The following MARCHF7 variants were observed in gnomAD, a reference collection of about 807,000 sequenced individuals.
MARCHF7 encodes the protein membrane associated ring-CH-type finger 7.
A neutral mutation model predicts 76.5 loss-of-function variants in MARCHF7; 20 were observed. The observed-to-expected ratio is 0.26, with a 90% CI of 0.18 to 0.38. The LOEUF is 0.38. MARCHF7 is among the 10% of genes least tolerant of loss of function. The pLI is 1.00. For synonymous variants in MARCHF7, 295 were observed against 293.0 expected, an observed-to-expected ratio of 1.01 and a Z score of -0.07; for missense variants, 797 against 812.9, an observed-to-expected ratio of 0.98 and a Z score of 0.24.
At chr2:159,764,402 T>A (rs544108819) in intron 10 of MARCHF7, among the ~76,000 whole-genome samples, 1 of 152,044 alleles carries the variant, frequency 6.6e-6, no homozygotes, top group South Asian at 2.1e-4. Context: ...CTGCTCCCAA[T>A]TTTAAAAAAC....
In MARCHF7 at chr2:159,767,146, A is replaced by C; in HGVS notation, c.2057-138A>C. ...CAGACCACCCTAACCCTGTCATACA[A>C]CTTATCATTTTGATCAAACAATATA... On this transcript the variant is annotated intron_variant, in intron 11 of 11. Coordinates refer to ENST00000409175, the MANE Select transcript of MARCHF7 (RefSeq NM_001282805.2). 3 of 646,318 alleles carry C rather than the reference A, an allele frequency of 4.6e-6. No individual in the cohort carries two copies. In the South Asian group the frequency reaches 5.7e-5, roughly 12 times the overall value. 40.0% of individuals were successfully genotyped at this position (646,318 alleles called of 1,614,324 possible).
rs1220000580 is a variant in MARCHF7, at chr2:159,762,967, A to C, written c.1981A>C (p.Thr661Pro). ...AAGCTTTTCTGATATGATGGGAAAT[A>C]CAAATGAACCAAGCACACGTGTCCG... ...EQSFSDMMGN[T>P]NEPSTRVRFI... Residue 661 changes from threonine (T) to proline (P), a missense_variant, in exon 10 of 12, where the codon ACA becomes CCA. By Grantham distance (38) the Thr-to-Pro change is conservative. This residue lies in a region of MARCHF7 where 124 missense variants were observed against 121.3 expected (regional missense o/e 1.02). Coordinates refer to ENST00000409175, the MANE Select transcript of MARCHF7 (RefSeq NM_001282805.2). The C allele has an allele frequency of 6.2e-7, 1 of 1,612,646 alleles. No homozygotes were observed. Among genetic ancestry groups the C allele is most frequent in the South Asian group, 1.1e-5 (1 of 90,878 alleles).
At chr2:159,757,979 A>G (rs1706546287) in intron 8 of MARCHF7, among the ~76,000 whole-genome samples, 1 of 152,158 alleles carries the variant, frequency 6.6e-6, no homozygotes, top group African/African-American at 2.4e-5. Context: ...CCTTATGCCA[A>G]ATTTTACTCT....
In MARCHF7 at chr2:159,747,988, C is replaced by G; in HGVS notation, c.698C>G (p.Ser233Cys). The G allele has an allele frequency of 6.2e-7, 1 of 1,614,088 alleles. No homozygotes were observed. Among genetic ancestry groups the G allele is most frequent in the African/African-American group, 1.3e-5 (1 of 75,032 alleles). The change falls in exon 7 of 12, where the codon TCT (serine) becomes TGT (cysteine). Residue 233 changes from serine to cysteine, a missense_variant. Around this residue, in one of 3 missense-constraint regions of MARCHF7, gnomAD observed 643 missense variants for 631.5 expected, o/e 1.02. Coordinates refer to ENST00000409175, the MANE Select transcript of MARCHF7 (RefSeq NM_001282805.2). ...AATTTTTCTTCAAGAGAATCAGAAT[C>G]TTCCCGAAGCAATACGCAGCCTGGA... ...RSNFSSRESE[S>C]SRSNTQPGFS...
chr2:159,747,792 C>A lies in MARCHF7; in HGVS notation c.515-13C>A. 6.5e-7 allele frequency: 1 copy of A among 1,543,698 alleles called. No individual in the cohort carries two copies. Among genetic ancestry groups the A allele is most frequent in the Admixed American group, 2.2e-5 (1 of 44,764 alleles). Reference sequence around the variant, plus strand: ...TTATTTCATGTAATTGGTTATCTTCCTTTCAAAAATAGATGTTCAAGACAG... The same window carrying A: ...TTATTTCATGTAATTGGTTATCTTCATTTCAAAAATAGATGTTCAAGACAG... On this transcript the variant is annotated splice_polypyrimidine_tract_variant and intron_variant, in intron 6 of 11. Transcript: ENST00000409175.
intron 8 of MARCHF7, among the ~76,000 whole-genome samples, chr2:159,757,226 G>A (rs1422267743): frequency 6.6e-6 from 1 of 152,114 alleles, no homozygotes; most frequent in Non-Finnish European, 1.5e-5. Flanking sequence ...GTTATAATAA[G>A]TGCTTTTCAA....
intron 4 of MARCHF7, among the ~76,000 whole-genome samples, chr2:159,742,404 A>G (rs1437453016): frequency 6.6e-6 from 1 of 152,126 alleles, no homozygotes; most frequent in Non-Finnish European, 1.5e-5. Flanking sequence ...TGTTCTGTCT[A>G]CCTCTAAGAG....
At chr2:159,738,088 G>T (rs551726594) in intron 4 of MARCHF7, among the ~76,000 whole-genome samples, 40 of 152,314 alleles carry the variant, frequency 2.6e-4, no homozygotes, top group African/African-American at 8.9e-4. Context: ...GCAAGTGAGC[G>T]CAGGGTCCGG....
chr2:159,724,043 T>C (rs1701913144), intron 3 of MARCHF7, among the ~76,000 whole-genome samples: 1 of 152,216 alleles, frequency 6.6e-6, no homozygotes, highest in South Asian at 2.1e-4. Context: ...CCCATTTTTC[T>C]AGGACACGCT....
intron 4 of MARCHF7, chr2:159,733,619 C>T (rs1308468324): frequency 1.0e-6 from 1 of 984,318 alleles, no homozygotes; most frequent in Non-Finnish European, 1.2e-6. Context: ...CTTCTGTTAT[C>T]TCAGGCACTT....
chr2:159,716,400 G>A (rs548145400), intron 3 of MARCHF7, among the ~76,000 whole-genome samples: 10 of 152,030 alleles, frequency 6.6e-5, no homozygotes, highest in South Asian at 2.1e-4. Flanking sequence ...TAATCCCAGC[G>A]CTTTGGGAGG....
At chr2:159,733,771 A>T (rs1703109453) in intron 4 of MARCHF7, 1 of 985,302 alleles carries the variant, frequency 1.0e-6, no homozygotes, top group Non-Finnish European at 1.2e-6. Context: ...TTTAGTTAAC[A>T]TGGATATTTG....
intron 3 of MARCHF7, among the ~76,000 whole-genome samples, chr2:159,717,014 C>T (rs1701115521): frequency 6.6e-6 from 1 of 152,218 alleles, no homozygotes; most frequent in Non-Finnish European, 1.5e-5. Context: ...CAGCATTCAG[C>T]TGGAGGATTT....
intron 7 of MARCHF7, among the ~76,000 whole-genome samples, chr2:159,751,814 G>C (rs886326125): frequency 6.6e-6 from 1 of 152,178 alleles, no homozygotes; most frequent in Non-Finnish European, 1.5e-5. Context: ...TTGCTGCGCC[G>C]AGGGGGCAGA....
intron 1 of MARCHF7, 114 bp from the exon 2 acceptor site, chr2:159,714,443 T>C (rs778320016): frequency 6.6e-6 from 1 of 152,190 alleles, no homozygotes; most frequent in Non-Finnish European, 1.5e-5. Flanking sequence ...GGAGGGGTGC[T>C]TAATCTTGGA....
chr2:159,770,085 AGAACTCCTTTAG>A lies in MARCHF7; in HGVS notation c.*2744_*2755del, dbSNP rs758155497. 6.6e-6 allele frequency: 1 copy of A among 152,062 alleles called. No individual in the cohort carries two copies. The highest frequency in any genetic ancestry group is 1.5e-5 in the Non-Finnish European group (1 of 68,030). 9.4% of individuals were successfully genotyped at this position (152,062 alleles called of 1,614,324 possible). A position where few individuals can be genotyped will look rare whatever the true frequency, so the allele number is the denominator to read the frequency against. On this transcript the variant is annotated 3_prime_UTR_variant, in exon 12 of 12. Transcript: ENST00000409175. ...CTACCCAAATTCTACCACTCCTTTA[AGAACTCCTTTAG>A]AACTCTTTTAGTTCACATAATACGC... is the stretch of plus-strand genomic sequence containing the variant.
At chr2:159,760,418 A>G (rs1189176155) in intron 9 of MARCHF7, among the ~76,000 whole-genome samples, 1 of 152,234 alleles carries the variant, frequency 6.6e-6, no homozygotes, top group East Asian at 1.9e-4. Flanking sequence ...AATGTAGCAC[A>G]GGTGCTACTC....
At chr2:159,757,613 A>G (rs1706493615) in intron 8 of MARCHF7, among the ~76,000 whole-genome samples, 1 of 152,346 alleles carries the variant, frequency 6.6e-6, no homozygotes, top group African/African-American at 2.4e-5. Context: ...ACTGCACTCC[A>G]GGCTAGGCAG....
intron 3 of MARCHF7, among the ~76,000 whole-genome samples, chr2:159,717,391 A>T (rs1038298951): frequency 2.0e-5 from 3 of 152,192 alleles, no homozygotes; most frequent in African/African-American, 4.8e-5. Context: ...ATTGCTTTAA[A>T]ATAATAGAGT....
Sources: allele counts gnomAD v4.1 joint callset (sites outside exome capture counted in the v4.1 genomes callset), GRCh38; gene constraint gnomAD v4.1.1; regional missense constraint gnomAD v4.1.1; transcripts MANE v1.5; gene names NCBI Gene and HGNC (gene_info 2026-07-23, HGNC 2026-07-21).